Variants in FOXP2 observed in about 807,000 individuals in gnomAD.
FOXP2 encodes the protein forkhead box protein P2.
Under a neutral mutation model 115.8 loss-of-function variants are expected in FOXP2, and 12 were observed. The ratio of observed to expected loss-of-function variants is 0.10; its 90% CI spans 0.07 to 0.17. The LOEUF (loss-of-function observed/expected upper bound fraction) is 0.17. Ranked by LOEUF, FOXP2 falls within the 10% of genes least tolerant of loss-of-function variation. FOXP2 has a pLI of 1.00. For synonymous variants in FOXP2, 328 were observed against 297.7 expected, an observed-to-expected ratio of 1.10 and a Z score of -1.05; for missense variants, 629 against 843.5, an observed-to-expected ratio of 0.75 and a Z score of 3.15.
At chr7:114,205,891 A>C (rs980904917) in intron 1 of FOXP2, among the ~76,000 whole-genome samples, 1 of 152,174 alleles carries the variant, frequency 6.6e-6, no homozygotes, top group African/African-American at 2.4e-5. Flanking sequence ...TCATCCCAGA[A>C]GTGTGTTTGG....
upstream of FOXP2, among the ~76,000 whole-genome samples, chr7:114,160,569 C>G (rs931023315): frequency 4.6e-5 from 7 of 152,024 alleles, no homozygotes; most frequent in Non-Finnish European, 8.8e-5. Context: ...ATACATAGTT[C>G]TAGTTGTTAA....
intron 2 of FOXP2, among the ~76,000 whole-genome samples, chr7:114,467,949 C>T (rs1795883873): frequency 6.6e-6 from 1 of 151,936 alleles, no homozygotes; most frequent in African/African-American, 2.4e-5. Flanking sequence ...TTTTTTTGCC[C>T]ATTCATTAAA....
At chr7:114,387,112 T>C (rs1231128929) in intron 2 of FOXP2, among the ~76,000 whole-genome samples, 1 of 152,160 alleles carries the variant, frequency 6.6e-6, no homozygotes, top group Non-Finnish European at 1.5e-5. Context: ...TAAATACATA[T>C]ATGTTAAAGC....
intron 2 of FOXP2, among the ~76,000 whole-genome samples, chr7:114,318,370 T>A (rs1173932267): frequency 1.5e-5 from 2 of 130,842 alleles, no homozygotes; most frequent in Non-Finnish European, 3.1e-5. Context: ...TAGCATGATG[T>A]CTCTCTTTGT....
chr7:114,175,226 G>C (rs1220935989), intron 1 of FOXP2, among the ~76,000 whole-genome samples: 1 of 152,028 alleles, frequency 6.6e-6, no homozygotes, highest in East Asian at 1.9e-4. Flanking sequence ...AAAATGGGTG[G>C]TAGCCTCCAA....
chr7:114,393,436 A>T (rs1203267485), intron 2 of FOXP2, among the ~76,000 whole-genome samples: 2 of 152,232 alleles, frequency 1.3e-5, no homozygotes, highest in African/African-American at 2.4e-5. Context: ...GAAGGTGTAT[A>T]CAAATGAGAG....
At chr7:114,093,241 A>G (rs1045991757) in intron 1 of FOXP2, among the ~76,000 whole-genome samples, 2 of 152,158 alleles carry the variant, frequency 1.3e-5, no homozygotes, top group Non-Finnish European at 2.9e-5. Context: ...CTCTGGAATG[A>G]TCTATCCTCC....
intron 1 of FOXP2, among the ~76,000 whole-genome samples, chr7:114,284,407 T>C (rs757957553): frequency 2.7e-4 from 41 of 152,172 alleles, no homozygotes; most frequent in Non-Finnish European, 5.4e-4. Flanking sequence ...TGTGTGAATG[T>C]GTGTATATAA....
At chr7:114,559,788 C>T (rs939778697) in intron 3 of FOXP2, among the ~76,000 whole-genome samples, 5 of 151,390 alleles carry the variant, frequency 3.3e-5, no homozygotes, top group Non-Finnish European at 7.4e-5. Flanking sequence ...ACTCAGGAGG[C>T]TGAGTCAGGA....
At position 114,223,355 on chromosome 7, in the gene FOXP2, G is replaced by A. The variant is rs138565588; in HGVS notation, c.-102+60267G>A. On this transcript the variant is annotated intron_variant, in intron 1 of 17. Coordinates refer to the FOXP2 transcript ENST00000634411. ...TTGCATTTCCCAGATTACTAATCAG[G>A]TTGATCAGCTTTTTATTTGTTTGTT... Among the ~76,000 whole-genome samples the A allele has an allele frequency of 5.2e-3, 787 of 151,654 alleles. 5 individuals are homozygous for A. Among genetic ancestry groups the A allele is most frequent in the Non-Finnish European group, 8.0e-3 (541 of 67,898 alleles).
intron 1 of FOXP2, among the ~76,000 whole-genome samples, chr7:114,259,389 T>TA (rs1417807190): frequency 1.3e-5 from 2 of 152,216 alleles, no homozygotes; most frequent in Non-Finnish European, 2.9e-5. Flanking sequence ...GATTAGTTAC[T>TA]AGGGTGAAAA....
intron 2 of FOXP2, among the ~76,000 whole-genome samples, chr7:114,447,205 A>G (rs1231222958): frequency 1.3e-5 from 2 of 151,912 alleles, no homozygotes; most frequent in Non-Finnish European, 2.9e-5. Flanking sequence ...GCTGCTTCCC[A>G]CTGTCCGAAT....
At chr7:114,471,453 C>T (rs2129230592) in intron 2 of FOXP2, among the ~76,000 whole-genome samples, 1 of 152,190 alleles carries the variant, frequency 6.6e-6, no homozygotes, top group South Asian at 2.1e-4. Flanking sequence ...TGTCTTTGTC[C>T]ATCTATTTTT....
At chr7:114,165,270 G>T (rs1185845642) in intron 1 of FOXP2, among the ~76,000 whole-genome samples, 1 of 152,134 alleles carries the variant, frequency 6.6e-6, no homozygotes, top group Non-Finnish European at 1.5e-5. Context: ...TATACTGGAA[G>T]TCCTAGCTAA....
intron 3 of FOXP2, among the ~76,000 whole-genome samples, chr7:114,578,557 T>A (rs1255079975): frequency 6.6e-6 from 1 of 152,142 alleles, no homozygotes; most frequent in African/African-American, 2.4e-5. Context: ...ATGGTTCATA[T>A]GTATTAATTT....
chr7:114,311,930 A>C (rs528161264), intron 2 of FOXP2, among the ~76,000 whole-genome samples: 46 of 152,094 alleles, frequency 3.0e-4, no homozygotes, highest in African/African-American at 1.1e-3. Context: ...ATTTCACATC[A>C]TAGTTCTTAG....
chr7:114,202,349 A>G (rs970935720), intron 1 of FOXP2, among the ~76,000 whole-genome samples: 1 of 152,152 alleles, frequency 6.6e-6, no homozygotes, highest in Non-Finnish European at 1.5e-5. Flanking sequence ...TGTGCTGGCT[A>G]TAGGCTTATA....
chr7:114,119,652 A>G (rs966706393), intron 1 of FOXP2, among the ~76,000 whole-genome samples: 2 of 152,168 alleles, frequency 1.3e-5, no homozygotes, highest in Non-Finnish European at 2.9e-5. Flanking sequence ...TTGAAGCTGT[A>G]ATGAGCCATG....
At chr7:114,447,213 A>C (rs367837939) in intron 2 of FOXP2, among the ~76,000 whole-genome samples, 1 of 152,172 alleles carries the variant, frequency 6.6e-6, no homozygotes, top group African/African-American at 2.4e-5. Flanking sequence ...CCACTGTCCG[A>C]ATTGCCGTCA....
Sources: allele counts gnomAD v4.1 joint callset (sites outside exome capture counted in the v4.1 genomes callset), GRCh38; gene constraint gnomAD v4.1.1; transcripts MANE v1.5; gene names NCBI Gene and HGNC (gene_info 2026-07-23, HGNC 2026-07-21).